The following CES4A variants were observed in gnomAD, a reference collection of about 807,000 sequenced individuals.
The protein encoded by CES4A is carboxylesterase 4A, also known as carboxylesterase 6.
A neutral mutation model predicts 65.4 loss-of-function variants in CES4A; 48 were observed. The ratio of observed to expected loss-of-function variants is 0.73; its 90% CI spans 0.58 to 0.93. The LOEUF (loss-of-function observed/expected upper bound fraction) is 0.93. CES4A is among the 40% of genes least tolerant of loss of function. The pLI is 0.00. For synonymous variants in CES4A, 247 were observed against 281.8 expected (o/e 0.88, Z 1.24); for missense variants, 685 against 728.5 (o/e 0.94, Z 0.69).
chr16:66,999,263 A>C (rs988660706), intron 2 of CES4A, among the ~76,000 whole-genome samples: 1 of 152,200 alleles, frequency 6.6e-6, no homozygotes, highest in Non-Finnish European at 1.5e-5. Context: ...TCCTGCGCCC[A>C]ATCAAATGGT....
intron 13 of CES4A, 200 bp downstream of exon 13, chr16:67,007,017 T>C (rs1255422065): frequency 3.5e-6 from 2 of 576,250 alleles, no homozygotes; most frequent in African/African-American, 3.8e-5. Flanking sequence ...TCTTGATCCA[T>C]GACCCACACT....
chr16:67,009,248 G>C, exon 14 of CES4A: 1 of 1,148,748 alleles, frequency 8.7e-7, no homozygotes, highest in East Asian at 2.4e-5. Flanking sequence ...ACCCACCCCA[G>C]TTTAGAACTG....
exon 1 of CES4A, chr16:66,988,827 T>G (rs954395392): frequency 1.9e-5 from 29 of 1,565,516 alleles, no homozygotes; most frequent in Admixed American, 1.1e-4. Context: ...GCAGACGGCC[T>G]TGGGTAAGAC....
At chr16:66,999,146 A>G (rs557198712) in intron 2 of CES4A, among the ~76,000 whole-genome samples, 2 of 152,312 alleles carry the variant, frequency 1.3e-5, no homozygotes, top group East Asian at 3.9e-4. Flanking sequence ...GAGTGTTGGA[A>G]TGCTGTAGGG....
intron 1 of CES4A, among the ~76,000 whole-genome samples, chr16:66,995,226 C>A (rs527473622): frequency 6.6e-6 from 1 of 151,676 alleles, no homozygotes; most frequent in South Asian, 2.1e-4. Flanking sequence ...AGGAGAATGG[C>A]GTGAATCTGG....
chr16:66,993,927 G>C (rs529243708), intron 1 of CES4A, among the ~76,000 whole-genome samples: 3,324 of 151,366 alleles, frequency 0.022, 58 homozygotes, highest in Non-Finnish European at 0.031. Flanking sequence ...TGGTGAAACC[G>C]TGTCTCTACT....
At chr16:67,006,356 T>C (rs1965757568) in intron 11 of CES4A, 35 bp from the exon 12 acceptor site, 2 of 1,535,982 alleles carry the variant, frequency 1.3e-6, no homozygotes, top group Non-Finnish European at 1.7e-6. Flanking sequence ...GGCAGAGGCT[T>C]TTCCTGCATC....
At position 67,000,994 on chromosome 16, in the gene CES4A, G is replaced by A. The variant is rs1473087399; in HGVS notation, c.536+4G>A. 6.2e-7 allele frequency: 1 copy of A among 1,612,384 alleles called. No homozygotes were observed. The highest frequency in any genetic ancestry group is 8.5e-7 in the Non-Finnish European group (1 of 1,179,464). On this transcript the variant is annotated splice_donor_region_variant and intron_variant, in intron 4 of 13. Transcript: ENST00000648724. This position sits in a 1 kb window ranked among gnomAD's most constrained non-coding sequence, Gnocchi z 4.2. Reference sequence around the variant, plus strand: ...TCGGCATCTTCGGCTTCCTGAGGTGGCGGGGCCGGTACCCTTTGGGACCGC... The same window carrying A: ...TCGGCATCTTCGGCTTCCTGAGGTGACGGGGCCGGTACCCTTTGGGACCGC...
intron 11 of CES4A, chr16:67,005,622 G>T: frequency 2.1e-6 from 1 of 471,862 alleles, no homozygotes; most frequent in Non-Finnish European, 3.7e-6. Context: ...CGAAGTGGGT[G>T]GATCATTTGA....
intron 1 of CES4A, among the ~76,000 whole-genome samples, chr16:66,994,460 C>T (rs1001164445): frequency 6.6e-6 from 1 of 150,906 alleles, no homozygotes; most frequent in Non-Finnish European, 1.5e-5. Context: ...ATCCACCCAC[C>T]TTGGCCTCCT....
chr16:67,005,358 T>G (rs1441912999), exon 11 of CES4A: 2 of 1,614,026 alleles, frequency 1.2e-6, no homozygotes, highest in East Asian at 4.5e-5. Context: ...GCCACTTTCG[T>G]GTATGCCACA....
At chr16:66,994,981 G>A (rs1241679657) in intron 1 of CES4A, among the ~76,000 whole-genome samples, 4 of 151,930 alleles carry the variant, frequency 2.6e-5, no homozygotes, top group African/African-American at 4.8e-5. Context: ...TCCAGCCTGG[G>A]CGATAGAGAA....
intron 2 of CES4A, among the ~76,000 whole-genome samples, chr16:66,998,201 C>CCTAA (rs1172982547): frequency 6.6e-6 from 1 of 151,914 alleles, no homozygotes; most frequent in East Asian, 1.9e-4. Flanking sequence ...CACTCTCATG[C>CCTAA]TTAGGCCTGG....
exon 10 of CES4A, chr16:67,004,802 T>A (rs960549176): frequency 2.0e-6 from 3 of 1,536,024 alleles, no homozygotes; most frequent in Non-Finnish European, 2.6e-6. Flanking sequence ...GATCATGAAG[T>A]TCCCGCTAAA....
exon 11 of CES4A, chr16:67,005,266 TGTG>T: frequency 2.5e-6 from 4 of 1,614,044 alleles, no homozygotes; most frequent in South Asian, 1.1e-5. Context: ...AGGTACCACT[TGTG>T]GTGGAGGAGT....
At chr16:66,996,300 G>A (rs1567574439) in intron 2 of CES4A, 1 of 325,784 alleles carries the variant, frequency 3.1e-6, no homozygotes, top group Non-Finnish European at 5.9e-6. Context: ...CTCCCAAAGT[G>A]CTGAGATTAC....
rs1597091567 is a variant in CES4A, at chr16:67,004,065, A to G, written c.940-19A>G. ...AGGATACTTGAGGAGACTGGCTGGA[A>G]ATGCCCTTTGCCTTGTAGATTATCT... On this transcript the variant is annotated intron_variant, in intron 8 of 13. Transcript: ENST00000648724. 6.2e-7 allele frequency: 1 copy of G among 1,613,288 alleles called. No homozygotes were observed. Among genetic ancestry groups the G allele is most frequent in the Non-Finnish European group, 8.5e-7 (1 of 1,179,770 alleles).
In CES4A at chr16:67,000,614, G is replaced by T. The variant is rs1965217097; in HGVS notation, c.261-24G>T. The stretch of plus-strand genomic sequence containing the variant: ...GGATTGAAACGATCTCCCCGCGGCC[G>T]CCGCCGCTACCTGGTGCCCGCAGGT... On this transcript the variant is annotated intron_variant, in intron 2 of 13. Coordinates refer to ENST00000648724, the Ensembl canonical transcript of CES4A. This position sits in a 1 kb window ranked among gnomAD's most constrained non-coding sequence, Gnocchi z 4.2. 1 of 1,529,212 alleles carries T rather than the reference G, an allele frequency of 6.5e-7. No homozygotes were observed. The highest frequency in any genetic ancestry group is 1.4e-5 in the African/African-American group (1 of 72,278). 94.7% of individuals were successfully genotyped at this position (1,529,212 alleles called of 1,614,324 possible). A position where few individuals can be genotyped will look rare whatever the true frequency, so the allele number is the denominator to read the frequency against.
chr16:66,998,066 G>T (rs563447606), intron 2 of CES4A, among the ~76,000 whole-genome samples: 1 of 152,048 alleles, frequency 6.6e-6, no homozygotes, highest in South Asian at 2.1e-4. Context: ...CGGTAAGGTG[G>T]CTGGAGAGAG....
Sources: gnomAD v4.1 joint callset for allele counts (sites outside exome capture counted in the v4.1 genomes callset) on GRCh38, gnomAD v4.1.1 for gene constraint, Gnocchi (gnomAD v3.1) non-coding constraint, MANE v1.5 for transcripts, NCBI Gene and HGNC (gene_info 2026-07-23, HGNC 2026-07-21) for gene names.